DNAH17: variants seen among roughly 807,000 people sequenced by gnomAD.
DNAH17 encodes axonemal beta dynein heavy chain 17.
DNAH17 carries 376 observed loss-of-function variants against 485.6 expected under a neutral mutation model. The observed-to-expected ratio is 0.77, with a 90% CI of 0.71 to 0.84. DNAH17 has a LOEUF of 0.84. Among genes scored for constraint, DNAH17 ranks in the 40% least tolerant of loss-of-function variants. DNAH17 has a pLI of 0.00. For missense variants in DNAH17, 6,370 were observed against 5,839.3 expected (o/e 1.09, Z -2.96); for synonymous variants, 3,031 against 2,405.9 (o/e 1.26, Z -7.60).
chr17:78,571,134 A>G (rs978623239), intron 5 of DNAH17, 101 bp from the exon 6 acceptor site: 5 of 1,298,518 alleles, frequency 3.9e-6, no homozygotes, highest in African/African-American at 3.0e-5. Flanking sequence ...CCTTCAGGAA[A>G]TGGGGCCTTT....
chr17:78,432,674 A>G (rs1452471261), intron 75 of DNAH17, among the ~76,000 whole-genome samples: 4 of 152,170 alleles, frequency 2.6e-5, no homozygotes, highest in Non-Finnish European at 5.9e-5. Context: ...AGGACACCCA[A>G]TGGGAGCACG....
chr17:78,446,635 T>C (rs1211412970), intron 69 of DNAH17, among the ~76,000 whole-genome samples: 1 of 146,912 alleles, frequency 6.8e-6, no homozygotes, highest in Non-Finnish European at 1.5e-5. Flanking sequence ...TAAATTTATT[T>C]TATTATTTAT....
intron 9 of DNAH17, 24 bp from the exon 10 acceptor site, chr17:78,567,190 C>CA: frequency 6.3e-7 from 1 of 1,576,478 alleles, no homozygotes; most frequent in South Asian, 1.2e-5. Context: ...AAAACACAGT[C>CA]AATTCATCTT....
intron 48 of DNAH17, among the ~76,000 whole-genome samples, chr17:78,482,004 G>A (rs1236647048): frequency 6.6e-6 from 1 of 150,918 alleles, no homozygotes; most frequent in African/African-American, 2.4e-5. Flanking sequence ...AACAGAGCAA[G>A]ATTTCATTTC....
At chr17:78,518,670 C>A (rs1247239948) in intron 25 of DNAH17, among the ~76,000 whole-genome samples, 1 of 152,186 alleles carries the variant, frequency 6.6e-6, no homozygotes, top group Non-Finnish European at 1.5e-5. Context: ...ACGTATAAAA[C>A]ACTCCGCCCA....
intron 7 of DNAH17, 59 bp downstream of exon 7, chr17:78,570,188 C>CGGGGAGGGGACCCAGCCAGGA: frequency 9.9e-6 from 15 of 1,511,296 alleles, no homozygotes; most frequent in Non-Finnish European, 1.2e-5. Flanking sequence ...AACAGTGAAC[C>CGGGGAGGGGACCCAGCCAGGA]GGGGAGGGGA....
intron 56 of DNAH17, among the ~76,000 whole-genome samples, chr17:78,465,905 C>T (rs28375610): frequency 0.037 from 5,669 of 151,902 alleles, 318 homozygotes; most frequent in African/African-American, 0.13. Flanking sequence ...CCCCTCTGCC[C>T]GGCCACCACC....
At chr17:78,485,483 G>A (rs1248302888) in intron 47 of DNAH17, 67 bp downstream of exon 47, 7 of 1,459,142 alleles carry the variant, frequency 4.8e-6, no homozygotes, top group East Asian at 2.5e-5. Context: ...CAGTGAGAGG[G>A]GACAGGAGGG....
intron 75 of DNAH17, among the ~76,000 whole-genome samples, chr17:78,432,908 C>CCCG (rs2086729306): frequency 1.6e-5 from 2 of 121,660 alleles, no homozygotes; most frequent in African/African-American, 6.6e-5. Context: ...ACGTGCCCCC[C>CCCG]CCCCCCGACC....
intron 25 of DNAH17, among the ~76,000 whole-genome samples, chr17:78,523,806 C>A (rs2090994586): frequency 6.6e-6 from 1 of 152,200 alleles, no homozygotes; most frequent in Admixed American, 6.5e-5. Context: ...ACTTGCGAGG[C>A]TGAGAGGCAG....
At chr17:78,430,687 TCTC>T (rs57913714) in intron 75 of DNAH17, among the ~76,000 whole-genome samples, 24,204 of 151,914 alleles carry the variant, frequency 0.16, 2,051 homozygotes, top group Middle Eastern at 0.2. Flanking sequence ...TTCAAGCAAT[TCTC>T]CTGCCTCAGC....
intron 17 of DNAH17, among the ~76,000 whole-genome samples, chr17:78,541,649 A>G (rs2091592151): frequency 6.6e-6 from 1 of 152,034 alleles, no homozygotes; most frequent in African/African-American, 2.4e-5. Flanking sequence ...GGAACAGAAT[A>G]GGCTGGCTTG....
rs529510571 is a variant in DNAH17 at position 78,573,980 on chromosome 17, CAT to C, written c.345+731_345+732del. ...TGCCAAGGGGGACAGCAGAGGGACA[CAT>C]AAAATGACACTCCATTTTTTCCCCT... On this transcript the variant is annotated intron_variant, in intron 2 of 80. Transcript: ENST00000389840. Among the ~76,000 whole-genome samples, 39 of 152,292 alleles carry C rather than the reference CAT, an allele frequency of 2.6e-4. 3 individuals carry two copies. The South Asian group carries it at 8.1e-3, about 32-fold the overall frequency.
intron 64 of DNAH17, 59 bp downstream of exon 64, chr17:78,454,411 C>T: frequency 1.4e-6 from 2 of 1,397,810 alleles, no homozygotes. Flanking sequence ...ATATGGAATG[C>T]CTAAGGCGTG....
At chr17:78,438,944 G>A (rs757113596) in intron 73 of DNAH17, 146 bp downstream of exon 73, 48 of 1,217,780 alleles carry the variant, frequency 3.9e-5, no homozygotes, top group Non-Finnish European at 5.0e-5. Flanking sequence ...CACTGGGGAT[G>A]CCTCCTCCTT....
At chr17:78,512,940 CAAAAAAA>C (rs57734613) in intron 26 of DNAH17, among the ~76,000 whole-genome samples, 13,181 of 83,484 alleles carry the variant, frequency 0.16, 806 homozygotes, top group Middle Eastern at 0.28. Flanking sequence ...GACTCTAACT[CAAAAAAA>C]AAAAAAAAAA....
rs185425144 is a variant in DNAH17, at chr17:78,496,129, T to G, written c.5746-97A>C. The G allele has an allele frequency of 3.6e-5, 50 of 1,372,290 alleles. No homozygotes were observed. The East Asian group carries it at 1.2e-3, about 34-fold the overall frequency. 85.0% of individuals were successfully genotyped at this position (1,372,290 alleles called of 1,614,324 possible). On this transcript the variant is annotated intron_variant, in intron 37 of 80. Transcript: ENST00000389840. ...TATGTTAAAGCATGAGGCTGCGAAT[T>G]TGCGCCTGCAAATTCAAACCTCCTA...
chr17:78,437,791 G>A lies in DNAH17; in HGVS notation c.11883C>T (p.Asp3961=). 1 of 1,612,610 alleles carries A rather than the reference G, an allele frequency of 6.2e-7. No individual in the cohort carries two copies. The change falls in exon 74 of 81, where the codon GAC becomes GAT. Residue 3961 remains aspartate (D), a synonymous_variant. Transcript: ENST00000389840. The part of the protein sequence containing the change: ...LEHYSTGSHE[D]YRVFISAEPA... ...GCTCCGCGCTGATGAACACCCGGTA[G>A]TCCTCATGGCTGCCCGTGCTGTAGT...
intron 17 of DNAH17, among the ~76,000 whole-genome samples, chr17:78,540,447 A>ATGGGTGGGTGGATGGG (rs1555687976): frequency 0.19 from 1,181 of 6,282 alleles, 179 homozygotes; most frequent in African/African-American, 0.22. Context: ...GGATGGATGG[A>ATGGGTGGGTGGATGGG]TGGGTGGGTG....
Sources: gnomAD v4.1 joint callset for allele counts (sites outside exome capture counted in the v4.1 genomes callset) on GRCh38, gnomAD v4.1.1 for gene constraint, MANE v1.5 for transcripts, NCBI Gene and HGNC (gene_info 2026-07-23, HGNC 2026-07-21) for gene names.